PCDHGA8: variants seen among roughly 807,000 people sequenced by gnomAD.
PCDHGA8 encodes protocadherin gamma subfamily A, 8.
A neutral mutation model predicts 59.2 loss-of-function variants in PCDHGA8; 45 were observed. That is an observed-to-expected ratio of 0.76 (90% CI 0.60 to 0.98). The LOEUF is 0.98. Among genes scored for constraint, PCDHGA8 ranks in the 50% least tolerant of loss-of-function variants. The pLI, the probability that PCDHGA8 is intolerant of heterozygous loss-of-function variation, is 0.00. For synonymous variants in PCDHGA8, 531 were observed against 519.0 expected, an observed-to-expected ratio of 1.02 and a Z score of -0.32; for missense variants, 1,257 against 1,196.2, an observed-to-expected ratio of 1.05 and a Z score of -0.75.
chr5:141,485,625 G>A lies in PCDHGA8; in HGVS notation c.2425-9182G>A, dbSNP rs1458191111. On this transcript the variant is annotated intron_variant, in intron 1 of 3. Coordinates refer to ENST00000398604, the MANE Select transcript of PCDHGA8 (RefSeq NM_032088.2). This position sits in a 1 kb window ranked among gnomAD's most constrained non-coding sequence, Gnocchi z 5.7. ...GGGGAGGCAGCTCCTCCAGGACAGC[G>A]TTTCCCGTTGGAAAAGGCTCAGGAT... is the stretch of plus-strand genomic sequence containing the variant. The A allele has an allele frequency of 1.2e-6, 2 of 1,611,968 alleles. No homozygotes were observed. The highest frequency in any genetic ancestry group is 3.3e-5 in the Admixed American group (2 of 59,916).
chr5:141,428,406 C>T (rs908202809), intron 1 of PCDHGA8: 1 of 473,274 alleles, frequency 2.1e-6, no homozygotes, highest in Non-Finnish European at 3.9e-6. Context: ...CCTGGGGTTG[C>T]TTTCACCCTG....
At chr5:141,497,203 G>A (rs750138875) in intron 2 of PCDHGA8, among the ~76,000 whole-genome samples, 25 of 91,718 alleles carry the variant, frequency 2.7e-4, no homozygotes, top group Non-Finnish European at 4.9e-4. Flanking sequence ...AACAATGTGA[G>A]TGTAATGGGG....
chr5:141,406,415 GC>G (rs2094806009), intron 1 of PCDHGA8, among the ~76,000 whole-genome samples: 1 of 152,164 alleles, frequency 6.6e-6, no homozygotes, highest in Non-Finnish European at 1.5e-5. Flanking sequence ...ACAGCTGAAA[GC>G]CCAGATTTAT....
intron 2 of PCDHGA8, among the ~76,000 whole-genome samples, chr5:141,502,002 C>T (rs1434269040): frequency 1.3e-5 from 2 of 152,164 alleles, no homozygotes; most frequent in South Asian, 2.1e-4. Context: ...CCTGACAACC[C>T]GCATGCTCTC....
chr5:141,487,802 C>G lies in PCDHGA8; in HGVS notation c.2425-7005C>G. On this transcript the variant is annotated intron_variant, in intron 1 of 3. Transcript: ENST00000398604. The surrounding 1 kb of genome is among the most constrained non-coding windows in gnomAD (Gnocchi z 5.0). ...TTTCGTGAATTAACCAGAGTTGTCACAGTTTAGCATTGGGGGCGGGTCATG... is the reference window on the plus strand; with the variant it reads ...TTTCGTGAATTAACCAGAGTTGTCAGAGTTTAGCATTGGGGGCGGGTCATG... 6.8e-7 allele frequency: 1 copy of G among 1,477,424 alleles called. No homozygotes were observed. The allele number at this position is 1,477,424 out of a possible 1,614,324, so 91.5% of individuals were successfully genotyped here.
At chr5:141,454,796 ATTTTTTTTTTTTTTTT>A (rs61612330) in intron 1 of PCDHGA8, among the ~76,000 whole-genome samples, 1 of 77,408 alleles carries the variant, frequency 1.3e-5, no homozygotes, top group East Asian at 4.0e-4. Flanking sequence ...CATGGTTCTA[ATTTTTTTTTTTTTTTT>A]TTTTTTTTTT....
Position 141,392,852 on chromosome 5 carries a change from G to C in PCDHGA8, c.39G>C (p.Leu13=). Residue 13 remains leucine (L), a synonymous_variant, in exon 1 of 4, where the codon CTG becomes CTC. Coordinates refer to ENST00000398604, the MANE Select transcript of PCDHGA8 (RefSeq NM_032088.2). ...APQSRPRRGE[L]ILLCALLGTL... ...AGAGTCGCCCCAGACGCGGCGAGCT[G>C]ATCCTGCTGTGCGCGCTGCTGGGAA... is the stretch of plus-strand genomic sequence containing the variant. 1 of 1,611,984 alleles carries C rather than the reference G, an allele frequency of 6.2e-7. No individual in the cohort carries two copies. Among genetic ancestry groups the C allele is most frequent in the East Asian group, 2.2e-5 (1 of 44,854 alleles).
chr5:141,469,436 G>A (rs556417221), intron 1 of PCDHGA8, among the ~76,000 whole-genome samples: 11 of 152,118 alleles, frequency 7.2e-5, no homozygotes, highest in East Asian at 1.9e-4. Flanking sequence ...TTAGCTGGGC[G>A]TGGTGGTGCA....
chr5:141,395,205 C>T lies in PCDHGA8; in HGVS notation c.2392C>T (p.His798Tyr), dbSNP rs770683946. ...TTCTTTGTTAACATCCGTAGATTTT[C>T]ATGAATATAAGAATGAAGCTGATCA... ...NDSLLTSVDF[H>Y]EYKNEADHGQ... The change falls in exon 1 of 4, where the codon CAT (histidine) becomes TAT (tyrosine). Residue 798 changes from histidine to tyrosine, a missense_variant. By Grantham distance (83) the His-to-Tyr change is moderately conservative. Transcript: ENST00000398604. 2 of 1,613,660 alleles carry T rather than the reference C, an allele frequency of 1.2e-6. No homozygotes were observed. Among genetic ancestry groups the T allele is most frequent in the Non-Finnish European group, 1.7e-6 (2 of 1,179,702 alleles).
At chr5:141,510,682 G>C (rs1014890367) in intron 3 of PCDHGA8, among the ~76,000 whole-genome samples, 2 of 152,154 alleles carry the variant, frequency 1.3e-5, no homozygotes, top group Non-Finnish European at 2.9e-5. Context: ...GTGGCATAAG[G>C]AGGTTAGGTA....
intron 1 of PCDHGA8, chr5:141,433,010 C>A (rs1392666523): frequency 6.2e-7 from 1 of 1,614,178 alleles, no homozygotes. Flanking sequence ...GGCTTTCCTG[C>A]AGACCTATTC....
rs1472806327 is a variant in PCDHGA8 at position 141,447,891 on chromosome 5, G to C, written c.2425-46916G>C. Among the ~76,000 whole-genome samples the C allele has an allele frequency of 1.3e-5, 2 of 152,080 alleles. 1 individual carries two copies. Among genetic ancestry groups the C allele is most frequent in the African/African-American group, 4.8e-5 (2 of 41,408 alleles). On this transcript the variant is annotated intron_variant, in intron 1 of 3. Coordinates refer to ENST00000398604, the MANE Select transcript of PCDHGA8 (RefSeq NM_032088.2). Reference sequence around the variant, plus strand: ...ATCTGAGGTCAGGAGTTCGAGACCAGCCTGGCCAACATGGTGAAACTCTGT... The same window carrying C: ...ATCTGAGGTCAGGAGTTCGAGACCACCCTGGCCAACATGGTGAAACTCTGT...
In PCDHGA8 at chr5:141,394,753, A is replaced by G. The variant is rs2093084981; in HGVS notation, c.1940A>G (p.Gln647Arg). 6.2e-7 allele frequency: 1 copy of G among 1,613,278 alleles called. No homozygotes were observed. The highest frequency in any genetic ancestry group is 1.7e-5 in the Admixed American group (1 of 60,006). Residue 647 changes from glutamine to arginine, a missense_variant, in exon 1 of 4, where the codon CAG becomes CGG. Transcript: ENST00000398604. ...ALKQSLVVAV[Q>R]DHGQPPLSAT... ...AAGCAGAGCCTCGTGGTGGCCGTCCAGGACCATGGCCAGCCCCCTCTCTCC... is the reference window on the plus strand; with the variant it reads ...AAGCAGAGCCTCGTGGTGGCCGTCCGGGACCATGGCCAGCCCCCTCTCTCC...
In PCDHGA8 at chr5:141,489,739, G is replaced by A; in HGVS notation, c.2425-5068G>A. On this transcript the variant is annotated intron_variant, in intron 1 of 3. Transcript: ENST00000398604. The surrounding 1 kb of genome is among the most constrained non-coding windows in gnomAD (Gnocchi z 4.5). Reference sequence around the variant, plus strand: ...GGATCCGGATGTGGGCACCAATACTGTGAGCTTTTACACTCTAAGCCCCAA... The same window carrying A: ...GGATCCGGATGTGGGCACCAATACTATGAGCTTTTACACTCTAAGCCCCAA... 3 of 1,614,170 alleles carry A rather than the reference G, an allele frequency of 1.9e-6. No homozygotes were observed. The highest frequency in any genetic ancestry group is 2.2e-5 in the South Asian group (2 of 91,076).
intron 1 of PCDHGA8, chr5:141,423,181 C>T: frequency 1.2e-6 from 2 of 1,613,578 alleles, no homozygotes; most frequent in East Asian, 2.2e-5. Flanking sequence ...GGACCACGGC[C>T]AGCCCCCTCT....
At position 141,491,658 on chromosome 5, in the gene PCDHGA8, C is replaced by A; in HGVS notation, c.2425-3149C>A. 1 of 1,613,822 alleles carries A rather than the reference C, an allele frequency of 6.2e-7. No homozygotes were observed. The highest frequency in any genetic ancestry group is 8.5e-7 in the Non-Finnish European group (1 of 1,180,016). On this transcript the variant is annotated intron_variant, in intron 1 of 3. Coordinates refer to ENST00000398604, the MANE Select transcript of PCDHGA8 (RefSeq NM_032088.2). The surrounding 1 kb of genome is among the most constrained non-coding windows in gnomAD (Gnocchi z 6.9). ...CCACAGCTCTGGCGCTGGAGCCTGA[C>A]GCCATCCGGTCCCGCTCTAATACGC... is the stretch of plus-strand genomic sequence containing the variant.
At position 141,434,771 on chromosome 5, in the gene PCDHGA8, TA is replaced by T. The variant is rs36031641; in HGVS notation, c.2424+39547del. On this transcript the variant is annotated intron_variant, in intron 1 of 3. Transcript: ENST00000398604. ...CCCCTGATTCCCCACTTCACACTTC[TA>T]AAAAAAAAAAAATTTTTTTTTCTGA... 2.5e-3 allele frequency among the ~76,000 whole-genome samples: 362 copies of T among 145,286 alleles called. 1 individual carries two copies. The highest frequency in any genetic ancestry group is 0.011 in the Middle Eastern group (3 of 280).
intron 1 of PCDHGA8, chr5:141,418,464 G>A: frequency 3.7e-6 from 6 of 1,614,010 alleles, no homozygotes; most frequent in Non-Finnish European, 5.1e-6. Flanking sequence ...ACTCTGGACC[G>A]AGAAACGCAG....
chr5:141,400,311 T>A, intron 1 of PCDHGA8: 1 of 1,614,098 alleles, frequency 6.2e-7, no homozygotes, highest in Non-Finnish European at 8.5e-7. Flanking sequence ...CTGGTCTCTG[T>A]GTCAAGTCTG....
Sources: allele counts gnomAD v4.1 joint callset (sites outside exome capture counted in the v4.1 genomes callset), GRCh38; gene constraint gnomAD v4.1.1; non-coding constraint Gnocchi (gnomAD v3.1); transcripts MANE v1.5; gene names NCBI Gene and HGNC (gene_info 2026-07-23, HGNC 2026-07-21).